The following OFD1 variants were observed in gnomAD, a reference collection of about 807,000 sequenced individuals.
The protein encoded by OFD1 is centriole and centriolar satellite protein OFD1.
OFD1 carries 12 observed loss-of-function variants against 81.4 expected under a neutral mutation model. That is an observed-to-expected ratio of 0.15 (90% CI 0.09 to 0.24). The LOEUF is 0.24. OFD1 is among the 10% of genes least tolerant of loss of function. The pLI is 1.00. For missense variants in OFD1, 685 were observed against 733.9 expected, an observed-to-expected ratio of 0.93 and a Z score of 0.77; for synonymous variants, 256 against 263.7, an observed-to-expected ratio of 0.97 and a Z score of 0.28.
rs1349352182 is a variant in OFD1, at chrX:13,735,438, G to A, written c.111+92G>A. On this transcript the variant is annotated intron_variant, in intron 2 of 22. Transcript: ENST00000340096. ...AATCAAGGTTTAGGTTTTAATAATC[G>A]TATGATACATAGATTGTATTGGTGA... The A allele has an allele frequency of 7.8e-6, 5 of 639,025 alleles. No individual in the cohort carries two copies. The African/African-American group carries it at 8.7e-5, about 11-fold the overall frequency. The allele number at this position is 639,025 out of a possible 1,213,427, so 52.7% of individuals were successfully genotyped here.
chrX:13,723,463 C>T, the OFD1 span, among the ~76,000 whole-genome samples: 5 of 111,737 alleles, frequency 4.5e-5, no homozygotes, highest in East Asian at 5.6e-4. Flanking sequence ...CCACCATGCC[C>T]GGCCTGATTC....
At chrX:13,736,078 G>T in intron 2 of OFD1, 1 of 741,469 alleles carries the variant, frequency 1.3e-6, no homozygotes, top group South Asian at 5.3e-5. Flanking sequence ...GTCCCCTGTT[G>T]TTGAATATTT....
In OFD1 at chrX:13,754,432, T is replaced by TTTTTTTA. The variant is rs1195398599; in HGVS notation, c.1130-719_1130-718insTTTTTTA. Among the ~76,000 whole-genome samples the TTTTTTTA allele has an allele frequency of 3.0e-3, 318 of 105,978 alleles. 3 individuals carry two copies. Among genetic ancestry groups the TTTTTTTA allele is most frequent in the African/African-American group, 0.011 (302 of 28,693 alleles). The allele number at this position is 105,978 out of a possible 115,157, so 92.0% of individuals were successfully genotyped here. ...TACTGTCTTTTTTTTTTTTTTTTTT[T>TTTTTTTA]AAGAGACGGAGTCTTGCTCTGTTGC... On this transcript the variant is annotated intron_variant, in intron 11 of 22. Coordinates refer to ENST00000340096, the MANE Select transcript of OFD1 (RefSeq NM_003611.3).
intron 10 of OFD1, among the ~76,000 whole-genome samples, chrX:13,752,373 A>T (rs2047536563): frequency 8.9e-6 from 1 of 112,424 alleles, no homozygotes; most frequent in Non-Finnish European, 1.9e-5. Flanking sequence ...CGAGGAAATG[A>T]TTCAACTCAG....
upstream of OFD1, chrX:13,733,990 G>A (rs1465604857): frequency 2.0e-6 from 1 of 511,230 alleles, no homozygotes; most frequent in Non-Finnish European, 3.5e-6. Context: ...GCTTCTGAGA[G>A]GTTTGGTTCC....
At chrX:13,716,959 A>T in the OFD1 span, among the ~76,000 whole-genome samples, 2 of 105,500 alleles carry the variant, frequency 1.9e-5, no homozygotes, top group Non-Finnish European at 3.9e-5. Context: ...TTTCATATAA[A>T]TTTTTTTTCA....
rs752910438 is a variant in OFD1, at chrX:13,739,028, A to G, written c.408A>G (p.Gln136=). ...TTTCAGGATCTGATAAAGAAAATCA[A>G]AAAGGTAGGAGCCGTCATCTTTGTA... ...SLVSGSDKEN[Q]KGFLMHFLKE... Residue 136 remains glutamine (Q), a synonymous_variant, in exon 5 of 23, where the codon CAA becomes CAG. Coordinates refer to ENST00000340096, the MANE Select transcript of OFD1 (RefSeq NM_003611.3). 24 of 1,202,325 alleles carry G rather than the reference A, an allele frequency of 2.0e-5. No individual in the cohort carries two copies. The highest frequency in any genetic ancestry group is 5.9e-5 in the East Asian group (2 of 33,681).
chrX:13,763,918 C>A, intron 19 of OFD1, 63 bp downstream of exon 19: 2 of 854,534 alleles, frequency 2.3e-6, no homozygotes, highest in East Asian at 6.2e-5. Flanking sequence ...TCCGTGTGCT[C>A]TGTGAATTAT....
At chrX:13,763,302 C>CAT (rs1163814460) in intron 18 of OFD1, among the ~76,000 whole-genome samples, 1 of 112,436 alleles carries the variant, frequency 8.9e-6, no homozygotes, top group Non-Finnish European at 1.9e-5. Flanking sequence ...TTTATATTTG[C>CAT]ATATAAGCTA....
rs1450068621 is a variant in OFD1, at chrX:13,746,836, G to A, written c.711G>A (p.Lys237=). ...AAATTAAAATGGAAGCAAAAAAAAA[G>A]TATGAAAAGGAGTTAACCATGTTCC... The part of the protein sequence containing the change: ...IAKIKMEAKK[K]YEKELTMFQN... Residue 237 remains lysine (K), a synonymous_variant, in exon 8 of 23, where the codon AAG becomes AAA. Coordinates refer to ENST00000340096, the MANE Select transcript of OFD1 (RefSeq NM_003611.3). 3.3e-6 allele frequency: 4 copies of A among 1,200,676 alleles called. No individual in the cohort carries two copies. The highest frequency in any genetic ancestry group is 2.3e-4 in the Middle Eastern group (1 of 4,311).
upstream of OFD1, among the ~76,000 whole-genome samples, chrX:13,730,245 A>T (rs1197382055): frequency 1.8e-5 from 2 of 111,262 alleles, no homozygotes; most frequent in Non-Finnish European, 3.8e-5. Flanking sequence ...AACCCCATCA[A>T]AAAGTGGGCA....
chrX:13,741,092 A>G (rs746548976), intron 5 of OFD1, among the ~76,000 whole-genome samples: 225 of 111,034 alleles, frequency 2.0e-3, no homozygotes, highest in Middle Eastern at 9.3e-3. Flanking sequence ...GTGAGCCAAG[A>G]TCACGCCACT....
At chrX:13,768,891 G>GTCAAAATTAGTGACTATA (rs1272199501) in intron 22 of OFD1, 106 bp downstream of exon 22, 1 of 792,316 alleles carries the variant, frequency 1.3e-6, no homozygotes, top group Non-Finnish European at 1.9e-6. Flanking sequence ...TATTGAATCA[G>GTCAAAATTAGTGACTATA]TCAAAATTAG....
chrX:13,732,880 G>A (rs1403345370), upstream of OFD1, among the ~76,000 whole-genome samples: 3 of 112,833 alleles, frequency 2.7e-5, no homozygotes, highest in African/African-American at 9.7e-5. Context: ...CTGTGCTCGC[G>A]AGAGCAGTGA....
chrX:13,769,844 C>T (rs1016231435), downstream of OFD1, among the ~76,000 whole-genome samples: 4 of 111,691 alleles, frequency 3.6e-5, no homozygotes, highest in African/African-American at 9.8e-5. Context: ...CACCAGACAT[C>T]GAACCTGCCA....
intron 19 of OFD1, among the ~76,000 whole-genome samples, chrX:13,764,757 C>G (rs1156796474): frequency 8.9e-6 from 1 of 112,453 alleles, no homozygotes; most frequent in African/African-American, 3.2e-5. Context: ...GTTGATGTTG[C>G]TGATTCCAGA....
At chrX:13,723,253 C>T in the OFD1 span, among the ~76,000 whole-genome samples, 103 of 111,586 alleles carry the variant, frequency 9.2e-4, no homozygotes, top group African/African-American at 3.2e-3. Flanking sequence ...CTGCAACCTC[C>T]GCCTCCCAGG....
intron 5 of OFD1, among the ~76,000 whole-genome samples, chrX:13,741,761 G>T (rs1333361989): frequency 1.8e-5 from 2 of 111,689 alleles, no homozygotes; most frequent in Admixed American, 1.9e-4. Context: ...TTGTTAGCAG[G>T]GGAGGGGGTC....
upstream of OFD1, chrX:13,734,195 T>C (rs1436472866): frequency 2.1e-6 from 1 of 479,523 alleles, no homozygotes. Context: ...ACTGACAAAA[T>C]AGAGAGCAAG....
Sources: gnomAD v4.1 joint callset for allele counts (sites outside exome capture counted in the v4.1 genomes callset) on GRCh38, gnomAD v4.1.1 for gene constraint, MANE v1.5 for transcripts, NCBI Gene and HGNC (gene_info 2026-07-23, HGNC 2026-07-21) for gene names.